The following CCDC7 variants were observed in gnomAD, a reference collection of about 807,000 sequenced individuals.
CCDC7 encodes coiled-coil domain containing 7, also known as coiled-coil domain-containing protein 7.
A neutral mutation model predicts 196.9 loss-of-function variants in CCDC7; 183 were observed. The observed-to-expected ratio is 0.93, with a 90% confidence interval of 0.82 to 1.05. The LOEUF (loss-of-function observed/expected upper bound fraction) is 1.05, where lower values mean the gene tolerates loss of function less well. Among genes scored for constraint, CCDC7 ranks in the 50% least tolerant of loss-of-function variants. The probability of loss-of-function intolerance (pLI) is 0.00; values close to 1 mark genes in which losing one functional copy is unlikely to be tolerated. For missense variants in CCDC7, 1,540 were observed against 1,482.2 expected, an observed-to-expected ratio of 1.04 and a Z score of -0.64; for synonymous variants, 525 against 484.6, an observed-to-expected ratio of 1.08 and a Z score of -1.10.
intron 11 of CCDC7, among the ~76,000 whole-genome samples, chr10:32,525,170 A>G (rs1295783962): frequency 6.6e-6 from 1 of 151,986 alleles, no homozygotes; most frequent in Admixed American, 6.6e-5. Flanking sequence ...GGTGCAGCAA[A>G]TCAACATGGC....
At chr10:32,527,050 A>G (rs2048784922) in intron 11 of CCDC7, among the ~76,000 whole-genome samples, 1 of 152,108 alleles carries the variant, frequency 6.6e-6, no homozygotes, top group South Asian at 2.1e-4. Flanking sequence ...CCTTCAGTCC[A>G]TGATGTTGAG....
chr10:32,585,471 A>G (rs1459103247), intron 18 of CCDC7, among the ~76,000 whole-genome samples: 1 of 152,052 alleles, frequency 6.6e-6, no homozygotes, highest in African/African-American at 2.4e-5. Context: ...GGTTTGCTGC[A>G]CCCATCAACC....
At chr10:32,540,480 G>C (rs2051229294) in intron 11 of CCDC7, among the ~76,000 whole-genome samples, 1 of 152,126 alleles carries the variant, frequency 6.6e-6, no homozygotes, top group Non-Finnish European at 1.5e-5. Flanking sequence ...TTTCCAGCTT[G>C]CCACTCTGTA....
At chr10:32,601,106 G>C (rs1337906385) in intron 18 of CCDC7, among the ~76,000 whole-genome samples, 1 of 152,040 alleles carries the variant, frequency 6.6e-6, no homozygotes, top group Non-Finnish European at 1.5e-5. Flanking sequence ...TGTATGTGAT[G>C]AGTCAAGACT....
intron 33 of CCDC7, among the ~76,000 whole-genome samples, chr10:32,844,524 T>C (rs998505789): frequency 6.6e-6 from 1 of 151,890 alleles, no homozygotes; most frequent in Non-Finnish European, 1.5e-5. Flanking sequence ...AATTGACCTA[T>C]TTTTAAAAAT....
At chr10:32,631,738 T>C (rs1331150390) in intron 18 of CCDC7, among the ~76,000 whole-genome samples, 1 of 152,140 alleles carries the variant, frequency 6.6e-6, no homozygotes, top group Non-Finnish European at 1.5e-5. Flanking sequence ...TCAGTTGGAA[T>C]GTATTGTCCT....
rs1199125234 is a variant in CCDC7 at position 32,587,389 on chromosome 10, A to G, written c.1801+3085A>G. Among the ~76,000 whole-genome samples the G allele has an allele frequency of 2.0e-5, 3 of 152,164 alleles. No homozygotes were observed. In the East Asian group the frequency reaches 5.8e-4, roughly 29 times the overall value. ...ATGGCAGAAGGTGGAAGGGTGAGAG[A>G]GCATGAGAGAGCAACAGAGAGAGGA... On this transcript the variant is annotated intron_variant, in intron 18 of 41. Coordinates refer to ENST00000639629, the Ensembl canonical transcript of CCDC7.
Position 32,618,325 on chromosome 10 carries a change from T to C in CCDC7, c.1802-15929T>C, listed in dbSNP as rs114163969. Among the ~76,000 whole-genome samples, 992 of 152,092 alleles carry C rather than the reference T, an allele frequency of 6.5e-3. 11 individuals carry two copies. The highest frequency in any genetic ancestry group is 0.022 in the African/African-American group (898 of 41,560). ...TTTCTTCTCTTTTTGTCTTTGTGGT[T>C]TGATGAAATTCTATTGTGATTCCAT... is the stretch of plus-strand genomic sequence containing the variant. On this transcript the variant is annotated intron_variant, in intron 18 of 41. Coordinates refer to ENST00000639629, the Ensembl canonical transcript of CCDC7.
At chr10:32,833,042 A>G (rs955419992) in intron 32 of CCDC7, among the ~76,000 whole-genome samples, 1 of 152,164 alleles carries the variant, frequency 6.6e-6, no homozygotes, top group Admixed American at 6.6e-5. Flanking sequence ...GAATGTTCAT[A>G]TAACAAACAT....
At chr10:32,564,209 T>G (rs1338930150) in intron 13 of CCDC7, among the ~76,000 whole-genome samples, 2 of 152,176 alleles carry the variant, frequency 1.3e-5, no homozygotes, top group Admixed American at 1.3e-4. Flanking sequence ...GGTGGGACTG[T>G]AAACTAGTTC....
chr10:32,830,432 A>G (rs949055071), intron 32 of CCDC7, among the ~76,000 whole-genome samples: 2 of 151,886 alleles, frequency 1.3e-5, no homozygotes, highest in Non-Finnish European at 2.9e-5. Context: ...GAAAAAAGCA[A>G]CAGAAACTTT....
chr10:32,593,081 A>G (rs1049094778), intron 18 of CCDC7, among the ~76,000 whole-genome samples: 18 of 152,182 alleles, frequency 1.2e-4, no homozygotes, highest in African/African-American at 4.3e-4. Context: ...GGATGGCTGG[A>G]TCAAATGGTA....
chr10:32,598,146 G>T (rs181329900), intron 18 of CCDC7, among the ~76,000 whole-genome samples: 404 of 152,252 alleles, frequency 2.7e-3, no homozygotes, highest in Non-Finnish European at 4.6e-3. Context: ...GCTGCAGTGG[G>T]CTCCACCCAG....
In CCDC7 at chr10:32,614,401, T is replaced by A. The variant is rs2062546519; in HGVS notation, c.1802-19853T>A. 2.0e-5 allele frequency among the ~76,000 whole-genome samples: 3 copies of A among 152,226 alleles called. No homozygotes were observed. In the South Asian group the frequency reaches 6.2e-4, roughly 32 times the overall value. ...ATGGGTATTGACTCCTTATCTAACT[T>A]GCCAGTCTGTGTCTTTTCATTGGGG... is the stretch of plus-strand genomic sequence containing the variant. On this transcript the variant is annotated intron_variant, in intron 18 of 41. Coordinates refer to ENST00000639629, the Ensembl canonical transcript of CCDC7.
At chr10:32,714,411 C>A (rs956057704) in intron 25 of CCDC7, among the ~76,000 whole-genome samples, 3 of 152,168 alleles carry the variant, frequency 2.0e-5, no homozygotes, top group Admixed American at 2.0e-4. Context: ...TCACGCAGAC[C>A]AGGAGATTCC....
intron 5 of CCDC7, among the ~76,000 whole-genome samples, chr10:32,466,606 T>A (rs2036851665): frequency 6.6e-6 from 1 of 152,228 alleles, no homozygotes; most frequent in Non-Finnish European, 1.5e-5. Flanking sequence ...CATGATCTCA[T>A]TCATTTATAT....
At chr10:32,771,799 C>T (rs1316146651) in intron 28 of CCDC7, among the ~76,000 whole-genome samples, 2 of 152,186 alleles carry the variant, frequency 1.3e-5, no homozygotes, top group Non-Finnish European at 1.5e-5. Flanking sequence ...AGACTAAGGA[C>T]CTCCTGGTTA....
intron 24 of CCDC7, among the ~76,000 whole-genome samples, chr10:32,697,307 G>A (rs531085780): frequency 6.6e-6 from 1 of 152,196 alleles, no homozygotes; most frequent in Non-Finnish European, 1.5e-5. Flanking sequence ...GAGGTACCGA[G>A]TTCATCTCAC....
intron 28 of CCDC7, among the ~76,000 whole-genome samples, chr10:32,758,230 A>G (rs1454084726): frequency 6.6e-6 from 1 of 152,148 alleles, no homozygotes; most frequent in Non-Finnish European, 1.5e-5. Flanking sequence ...AAAAGAGGGA[A>G]TCCTCCCCAA....
Sources: gnomAD v4.1 joint callset for allele counts (sites outside exome capture counted in the v4.1 genomes callset) on GRCh38, gnomAD v4.1.1 for gene constraint, MANE v1.5 for transcripts, NCBI Gene and HGNC (gene_info 2026-07-23, HGNC 2026-07-21) for gene names.